Variants in WDR49 observed in about 807,000 individuals in gnomAD.
The protein encoded by WDR49 is WD repeat domain 49, also known as cilia- and flagella-associated protein 337.
A neutral mutation model predicts 119.5 loss-of-function variants in WDR49; 107 were observed. The ratio of observed to expected loss-of-function variants is 0.90; its 90% CI spans 0.77 to 1.05. WDR49 has a LOEUF of 1.05. Ranked by LOEUF, WDR49 falls within the 50% of genes least tolerant of loss-of-function variation. The pLI is 0.00. For missense variants in WDR49, 1,240 were observed against 1,220.5 expected (o/e 1.02, Z -0.24); for synonymous variants, 425 against 418.8 (o/e 1.01, Z -0.18).
Position 167,478,899 on chromosome 3 carries a change from T to C in WDR49, c.3129A>G (p.Glu1043=). ...AKQLCQEKSC[E]VKKNKK Reference sequence around the variant, plus strand: ...GTAATTACTTCTTATTTTTCTTCACTTCACAACTTTTTTCTTGGCATAATT... The same window carrying C: ...GTAATTACTTCTTATTTTTCTTCACCTCACAACTTTTTTCTTGGCATAATT... The change falls in exon 19 of 19, where the codon GAA becomes GAG. Residue 1043 remains glutamate, a synonymous_variant. Transcript: ENST00000682715. 6.2e-7 allele frequency: 1 copy of C among 1,608,212 alleles called. No homozygotes were observed. Among genetic ancestry groups the C allele is most frequent in the Non-Finnish European group, 8.5e-7 (1 of 1,178,606 alleles).
At chr3:167,616,437 G>T (rs7613861) in intron 5 of WDR49, among the ~76,000 whole-genome samples, 39,753 of 151,900 alleles carry the variant, frequency 0.26, 5,527 homozygotes, top group African/African-American at 0.34. Flanking sequence ...AACAAATAAA[G>T]TGGGCCCTAC....
chr3:167,623,487 A>AC (rs1716964483), intron 3 of WDR49, among the ~76,000 whole-genome samples: 1 of 152,042 alleles, frequency 6.6e-6, no homozygotes, highest in Non-Finnish European at 1.5e-5. Context: ...AAAATCCAAC[A>AC]CATTTTCATG....
chr3:167,606,955 TA>T, intron 5 of WDR49, among the ~76,000 whole-genome samples: 1 of 152,326 alleles, frequency 6.6e-6, no homozygotes, highest in Middle Eastern at 3.4e-3. Flanking sequence ...TGTCCATTTT[TA>T]CACTTGGGTT....
intron 10 of WDR49, among the ~76,000 whole-genome samples, chr3:167,545,620 TC>T (rs1314508019): frequency 6.7e-6 from 1 of 148,812 alleles, no homozygotes; most frequent in African/African-American, 2.5e-5. Context: ...AATGGAAAAA[TC>T]AAACATTGTA....
chr3:167,518,333 A>G (rs1328776035), intron 16 of WDR49, among the ~76,000 whole-genome samples: 1 of 151,816 alleles, frequency 6.6e-6, no homozygotes, highest in African/African-American at 2.4e-5. Flanking sequence ...TGGTTGAACT[A>G]GTTTACAGTC....
intron 9 of WDR49, among the ~76,000 whole-genome samples, chr3:167,556,196 C>A (rs1306101129): frequency 6.6e-6 from 1 of 151,984 alleles, no homozygotes; most frequent in African/African-American, 2.4e-5. Flanking sequence ...AATGGAGAGA[C>A]AATAAAAAAT....
At chr3:167,574,246 T>A (rs1013782209) in intron 8 of WDR49, among the ~76,000 whole-genome samples, 3 of 152,226 alleles carry the variant, frequency 2.0e-5, no homozygotes, top group African/African-American at 7.2e-5. Context: ...TAGTTTATTA[T>A]CTCTAATTCT....
chr3:167,485,800 G>C (rs989846471), intron 18 of WDR49, among the ~76,000 whole-genome samples: 1 of 152,076 alleles, frequency 6.6e-6, no homozygotes, highest in African/African-American at 2.4e-5. Context: ...CCTGAGAGGA[G>C]AGAAAATAAG....
At chr3:167,616,552 G>A (rs968365503) in intron 5 of WDR49, among the ~76,000 whole-genome samples, 8 of 151,914 alleles carry the variant, frequency 5.3e-5, no homozygotes, top group Admixed American at 2.6e-4. Flanking sequence ...AAAGATTAGC[G>A]TTAGAGGACC....
At chr3:167,622,306 G>T (rs534608524) in intron 3 of WDR49, among the ~76,000 whole-genome samples, 2 of 152,014 alleles carry the variant, frequency 1.3e-5, no homozygotes, top group Admixed American at 1.3e-4. Flanking sequence ...AGAGGCCAAC[G>T]CAGGAGGATT....
chr3:167,510,510 A>G (rs373046040), intron 16 of WDR49, among the ~76,000 whole-genome samples: 28 of 152,184 alleles, frequency 1.8e-4, no homozygotes, highest in African/African-American at 6.7e-4. Context: ...GGATAAATCT[A>G]TTTCTCCATA....
chr3:167,503,733 C>T (rs111255885), intron 17 of WDR49, among the ~76,000 whole-genome samples: 4 of 152,072 alleles, frequency 2.6e-5, no homozygotes, highest in African/African-American at 7.2e-5. Context: ...TGGTGGAGGG[C>T]GACTGAAAGC....
chr3:167,575,331 CT>C, intron 8 of WDR49: 1 of 981,690 alleles, frequency 1.0e-6, no homozygotes, highest in Non-Finnish European at 1.2e-6. Context: ...AGCCCTGCTT[CT>C]TCATTGAGAT....
chr3:167,528,340 A>G (rs1436025028), intron 14 of WDR49, among the ~76,000 whole-genome samples: 3 of 152,010 alleles, frequency 2.0e-5, no homozygotes, highest in African/African-American at 7.2e-5. Context: ...ACGTTCAAAT[A>G]TTATTAGAAA....
At chr3:167,537,026 C>G (rs758361335) in intron 10 of WDR49, 26 bp from the exon 11 acceptor site, 3 of 1,547,020 alleles carry the variant, frequency 1.9e-6, no homozygotes, top group Non-Finnish European at 2.6e-6. Context: ...TAGAATTTAG[C>G]TGTGGATCTA....
intron 9 of WDR49, among the ~76,000 whole-genome samples, chr3:167,559,342 G>A (rs897480400): frequency 6.6e-6 from 1 of 152,128 alleles, no homozygotes; most frequent in Non-Finnish European, 1.5e-5. Flanking sequence ...AATGGCACAA[G>A]CCATTTCCAA....
At chr3:167,632,041 G>A (rs2108331527) in intron 2 of WDR49, among the ~76,000 whole-genome samples, 1 of 152,056 alleles carries the variant, frequency 6.6e-6, no homozygotes, top group South Asian at 2.1e-4. Context: ...AAAGAAACCT[G>A]GTCCTAAAAG....
At chr3:167,607,913 AAGGG>A (rs1460620790) in intron 5 of WDR49, among the ~76,000 whole-genome samples, 1 of 152,030 alleles carries the variant, frequency 6.6e-6, no homozygotes, top group Non-Finnish European at 1.5e-5. Context: ...GAAAGGGTAA[AAGGG>A]AGGGAGGGAG....
intron 10 of WDR49, among the ~76,000 whole-genome samples, chr3:167,542,234 C>G (rs1711888225): frequency 6.6e-6 from 1 of 152,016 alleles, no homozygotes; most frequent in Non-Finnish European, 1.5e-5. Context: ...GTTGTCAAGA[C>G]AGAAAGTCAA....
Sources: allele counts gnomAD v4.1 joint callset (sites outside exome capture counted in the v4.1 genomes callset), GRCh38; gene constraint gnomAD v4.1.1; transcripts MANE v1.5; gene names NCBI Gene and HGNC (gene_info 2026-07-23, HGNC 2026-07-21).